Variants in MYZAP observed in about 807,000 individuals in gnomAD.
MYZAP encodes the protein myocardial zonula adherens protein.
Under a neutral mutation model 69.4 loss-of-function variants are expected in MYZAP, and 66 were observed. The ratio of observed to expected loss-of-function variants is 0.95; its 90% confidence interval spans 0.78 to 1.17. MYZAP has a LOEUF of 1.17. Among genes scored for constraint, MYZAP ranks in the 50% most tolerant of loss-of-function variants. MYZAP has a pLI of 0.00. For synonymous variants in MYZAP, 256 were observed against 205.9 expected (o/e 1.24, Z -2.09); for missense variants, 611 against 556.2 (o/e 1.10, Z -0.99).
chr15:57,666,631 C>T (rs556380844), intron 11 of MYZAP, among the ~76,000 whole-genome samples: 1 of 152,120 alleles, frequency 6.6e-6, no homozygotes, highest in South Asian at 2.1e-4. Context: ...GTTCAGGGGA[C>T]ATAAACATGG....
chr15:57,607,749 G>A (rs1440506027), intron 2 of MYZAP, among the ~76,000 whole-genome samples: 1 of 152,214 alleles, frequency 6.6e-6, no homozygotes, highest in Non-Finnish European at 1.5e-5. Flanking sequence ...GGGGAGGAGG[G>A]TGGGGCTGTT....
At chr15:57,644,201 G>T (rs1301839535) in intron 10 of MYZAP, among the ~76,000 whole-genome samples, 1 of 152,144 alleles carries the variant, frequency 6.6e-6, no homozygotes, top group Non-Finnish European at 1.5e-5. Flanking sequence ...TCCTTGCTGG[G>T]TTTCATGTTC....
intron 12 of MYZAP, among the ~76,000 whole-genome samples, chr15:57,679,576 C>G (rs1448091272): frequency 1.3e-5 from 2 of 152,118 alleles, no homozygotes; most frequent in African/African-American, 4.8e-5. Context: ...GGAAGGATTC[C>G]TCAGCCTATT....
intron 4 of MYZAP, among the ~76,000 whole-genome samples, chr15:57,624,254 A>AAT (rs1407044526): frequency 1.3e-5 from 2 of 152,186 alleles, no homozygotes; most frequent in African/African-American, 2.4e-5. Context: ...CATAAGAGTT[A>AAT]ATATCTGTGG....
At chr15:57,596,856 C>T (rs1226859726) in intron 1 of MYZAP, among the ~76,000 whole-genome samples, 1 of 152,170 alleles carries the variant, frequency 6.6e-6, no homozygotes, top group African/African-American at 2.4e-5. Flanking sequence ...AGGAAGCCTG[C>T]CCTGAAACCT....
intron 1 of MYZAP, among the ~76,000 whole-genome samples, chr15:57,598,971 C>A (rs2034238637): frequency 6.6e-6 from 1 of 152,198 alleles, no homozygotes; most frequent in South Asian, 2.1e-4. Flanking sequence ...ATATTCCCAC[C>A]TCCCATTAAG....
intron 1 of MYZAP, chr15:57,599,268 C>T (rs1423094103): frequency 5.7e-6 from 1 of 176,112 alleles, no homozygotes; most frequent in African/African-American, 2.4e-5. Context: ...TCCTGTCTCT[C>T]TACACCTTGT....
At chr15:57,633,798 A>T in intron 8 of MYZAP, 57 bp downstream of exon 8, 2 of 1,419,684 alleles carry the variant, frequency 1.4e-6, no homozygotes, top group Non-Finnish European at 1.9e-6. Flanking sequence ...CTGTAGGTCC[A>T]TCTGAGATAC....
At chr15:57,599,371 A>G (rs1392957364) in intron 1 of MYZAP, 16 of 708,346 alleles carry the variant, frequency 2.3e-5, no homozygotes, top group African/African-American at 6.5e-5. Flanking sequence ...TTTTTTTGCC[A>G]TCGTCGTACC....
intron 8 of MYZAP, among the ~76,000 whole-genome samples, chr15:57,637,431 G>T (rs1324586213): frequency 6.6e-6 from 1 of 152,184 alleles, no homozygotes; most frequent in African/African-American, 2.4e-5. Context: ...AATTTTCACT[G>T]ATCCTGGGCT....
intron 2 of MYZAP, among the ~76,000 whole-genome samples, chr15:57,604,588 C>T (rs2034627474): frequency 6.6e-6 from 1 of 152,222 alleles, no homozygotes; most frequent in Non-Finnish European, 1.5e-5. Context: ...AACACTATGG[C>T]TTTGTGTTAC....
chr15:57,609,481 G>T (rs916818918), intron 2 of MYZAP, among the ~76,000 whole-genome samples: 7 of 152,158 alleles, frequency 4.6e-5, no homozygotes, highest in Admixed American at 1.3e-4. Context: ...TCATGTGTCT[G>T]TGTCCAGATT....
intron 1 of MYZAP, 105 bp downstream of exon 1, chr15:57,592,214 C>T (rs936446414): frequency 5.1e-5 from 54 of 1,049,720 alleles, no homozygotes; most frequent in Admixed American, 2.2e-4. Flanking sequence ...CACCTGGCCC[C>T]GACGCCCCAC....
intron 8 of MYZAP, among the ~76,000 whole-genome samples, 182 bp downstream of exon 8, chr15:57,633,923 A>G (rs1225378686): frequency 1.3e-5 from 2 of 152,136 alleles, no homozygotes; most frequent in Non-Finnish European, 2.9e-5. Flanking sequence ...TTTTCCCATG[A>G]TAACTATTTT....
chr15:57,650,795 A>G (rs1332343059), intron 10 of MYZAP, among the ~76,000 whole-genome samples: 1 of 152,220 alleles, frequency 6.6e-6, no homozygotes, highest in African/African-American at 2.4e-5. Context: ...GCAGGGATTG[A>G]ATGGGTGGAC....
chr15:57,672,700 C>G (rs1407783599), intron 11 of MYZAP, among the ~76,000 whole-genome samples: 3 of 152,192 alleles, frequency 2.0e-5, no homozygotes, highest in Non-Finnish European at 2.9e-5. Flanking sequence ...CATACATAGC[C>G]TTTCATTAAT....
intron 10 of MYZAP, chr15:57,646,145 G>A (rs940566916): frequency 5.0e-5 from 65 of 1,289,126 alleles, no homozygotes; most frequent in Admixed American, 6.9e-5. Flanking sequence ...AGATCATGTC[G>A]CACGAGCTCT....
At chr15:57,659,125 A>G (rs371067134) in intron 10 of MYZAP, among the ~76,000 whole-genome samples, 52 of 152,218 alleles carry the variant, frequency 3.4e-4, no homozygotes, top group African/African-American at 1.1e-3. Context: ...TTTATATTTC[A>G]TGTGTTTTAC....
chr15:57,646,712 C>A, intron 10 of MYZAP: 1 of 986,778 alleles, frequency 1.0e-6, no homozygotes, highest in Non-Finnish European at 1.2e-6. Context: ...GGAGGTGGCC[C>A]TGAAGGTGTC....
Sources: gnomAD v4.1 joint callset for allele counts (sites outside exome capture counted in the v4.1 genomes callset) on GRCh38, gnomAD v4.1.1 for gene constraint, MANE v1.5 for transcripts, NCBI Gene and HGNC (gene_info 2026-07-23, HGNC 2026-07-21) for gene names.